AXDND1: variants seen among roughly 807,000 people sequenced by gnomAD.
The protein encoded by AXDND1 is axonemal dynein light chain domain-containing protein 1.
Under a neutral mutation model 137.5 loss-of-function variants are expected in AXDND1, and 110 were observed. That is an observed-to-expected ratio of 0.80 (90% CI 0.69 to 0.94). AXDND1 has a LOEUF of 0.94. Among genes scored for constraint, AXDND1 ranks in the 40% least tolerant of loss-of-function variants. AXDND1 has a pLI of 0.00. For missense variants in AXDND1, 1,191 were observed against 1,169.8 expected, an observed-to-expected ratio of 1.02 and a Z score of -0.26; for synonymous variants, 414 against 399.7, an observed-to-expected ratio of 1.04 and a Z score of -0.43.
chr1:179,461,262 T>G (rs555238251), intron 16 of AXDND1, among the ~76,000 whole-genome samples: 1 of 152,220 alleles, frequency 6.6e-6, no homozygotes. Flanking sequence ...TTCAGGTTTC[T>G]ACATATGGCT....
At chr1:179,395,940 A>G (rs1650978726) in intron 11 of AXDND1, among the ~76,000 whole-genome samples, 1 of 151,834 alleles carries the variant, frequency 6.6e-6, no homozygotes, top group East Asian at 2.0e-4. Flanking sequence ...AGGCTGAGGC[A>G]GGTGGATCAC....
At chr1:179,472,566 G>T (rs1238750270) in intron 17 of AXDND1, among the ~76,000 whole-genome samples, 1 of 152,064 alleles carries the variant, frequency 6.6e-6, no homozygotes, top group African/African-American at 2.4e-5. Context: ...CTGTGTAGTG[G>T]TTCTAACCAT....
intron 16 of AXDND1, chr1:179,456,908 C>G: frequency 9.0e-7 from 1 of 1,113,654 alleles, no homozygotes; most frequent in Non-Finnish European, 1.4e-6. Flanking sequence ...AGCCTCTTTT[C>G]TTGCCACTGC....
At chr1:179,457,196 C>T (rs1040394793) in intron 16 of AXDND1, 3 of 757,168 alleles carry the variant, frequency 4.0e-6, no homozygotes, top group African/African-American at 3.4e-5. Flanking sequence ...ATTTGGATCT[C>T]ATTACCACAC....
chr1:179,366,668 A>T (rs1667444218), intron 2 of AXDND1, 62 bp downstream of exon 2: 2 of 1,401,650 alleles, frequency 1.4e-6, no homozygotes, highest in Admixed American at 3.5e-5. Flanking sequence ...ATCACCTTCC[A>T]TTCACCGGTT....
chr1:179,450,461 G>A (rs1287659217), intron 16 of AXDND1: 1 of 152,176 alleles, frequency 6.6e-6, no homozygotes, highest in Non-Finnish European at 1.5e-5. Context: ...GATGTTAGCT[G>A]TGGGTTTTTC....
At chr1:179,471,598 C>A (rs1663942965) in intron 17 of AXDND1, among the ~76,000 whole-genome samples, 1 of 152,272 alleles carries the variant, frequency 6.6e-6, no homozygotes, top group South Asian at 2.1e-4. Context: ...TTCTCTATTT[C>A]TCCTGGTCAA....
At chr1:179,490,458 G>T (rs888617780) in intron 18 of AXDND1, among the ~76,000 whole-genome samples, 1 of 152,118 alleles carries the variant, frequency 6.6e-6, no homozygotes, top group African/African-American at 2.4e-5. Flanking sequence ...TATTCACAGT[G>T]CCCTTTGGGT....
chr1:179,549,438 G>C (rs1011839014), intron 25 of AXDND1, among the ~76,000 whole-genome samples: 1 of 150,530 alleles, frequency 6.6e-6, no homozygotes, highest in African/African-American at 2.5e-5. Context: ...TTTAAATATT[G>C]ACCTGTGCCA....
At position 179,554,574 on chromosome 1, in the gene AXDND1, G is replaced by A. The variant is rs1288245577; in HGVS notation, c.*55G>A. 6.2e-7 allele frequency: 1 copy of A among 1,613,854 alleles called. No individual in the cohort carries two copies. Among genetic ancestry groups the A allele is most frequent in the South Asian group, 1.1e-5 (1 of 91,076 alleles). On this transcript the variant is annotated 3_prime_UTR_variant, in exon 26 of 26. Coordinates refer to ENST00000367618, the MANE Select transcript of AXDND1 (RefSeq NM_144696.6). ...CAGATGTCAGTGGGAGCCTCCAGGTGGGAGGAGAGCATGCCTAAACCCTGG... is the reference window on the plus strand; with the variant it reads ...CAGATGTCAGTGGGAGCCTCCAGGTAGGAGGAGAGCATGCCTAAACCCTGG...
intron 21 of AXDND1, among the ~76,000 whole-genome samples, chr1:179,523,462 A>G (rs1670258651): frequency 6.6e-6 from 1 of 152,152 alleles, no homozygotes; most frequent in South Asian, 2.1e-4. Context: ...TTGTACAGTG[A>G]TAATCACTAT....
chr1:179,404,500 G>T (rs1329774684), intron 11 of AXDND1, among the ~76,000 whole-genome samples: 2 of 152,058 alleles, frequency 1.3e-5, no homozygotes, highest in Admixed American at 6.5e-5. Flanking sequence ...GGAATTACAG[G>T]TGTGAGCCAC....
chr1:179,387,042 C>G (rs1649333267), intron 9 of AXDND1, among the ~76,000 whole-genome samples: 1 of 152,118 alleles, frequency 6.6e-6, no homozygotes, highest in Non-Finnish European at 1.5e-5. Flanking sequence ...TTTGAACATA[C>G]AGAATGTAGT....
intron 21 of AXDND1, among the ~76,000 whole-genome samples, chr1:179,517,110 G>A (rs1052277511): frequency 3.9e-5 from 6 of 152,158 alleles, no homozygotes; most frequent in Non-Finnish European, 8.8e-5. Context: ...GATTCTTCTT[G>A]GGCAGGTCTT....
At chr1:179,544,789 A>G (rs1239175126) in intron 25 of AXDND1, 2 of 152,124 alleles carry the variant, frequency 1.3e-5, no homozygotes, top group Non-Finnish European at 2.9e-5. Flanking sequence ...TTTATAATTT[A>G]TCTGATCTTT....
At chr1:179,414,499 A>G (rs766364081) in intron 12 of AXDND1, among the ~76,000 whole-genome samples, 32 of 151,962 alleles carry the variant, frequency 2.1e-4, no homozygotes, top group Non-Finnish European at 4.0e-4. Flanking sequence ...ATCTCGGCTC[A>G]CTGCAGGCTC....
chr1:179,538,734 T>C (rs960324379), intron 25 of AXDND1, among the ~76,000 whole-genome samples: 3 of 152,202 alleles, frequency 2.0e-5, no homozygotes, highest in Non-Finnish European at 4.4e-5. Context: ...TGAGTTCAAG[T>C]CCTGGATATC....
intron 15 of AXDND1, among the ~76,000 whole-genome samples, chr1:179,444,700 CT>C (rs57923612): frequency 0.76 from 111,889 of 146,272 alleles, 43,258 homozygotes; most frequent in East Asian, 0.89. Flanking sequence ...CTTATCACTA[CT>C]TTTTTTTTTT....
intron 17 of AXDND1, among the ~76,000 whole-genome samples, chr1:179,470,986 T>G (rs1663854673): frequency 6.6e-6 from 1 of 152,204 alleles, no homozygotes; most frequent in South Asian, 2.1e-4. Context: ...AAATGCTTTT[T>G]CTGTATCTAG....
Sources: gnomAD v4.1 joint callset for allele counts (sites outside exome capture counted in the v4.1 genomes callset) on GRCh38, gnomAD v4.1.1 for gene constraint, MANE v1.5 for transcripts, NCBI Gene and HGNC (gene_info 2026-07-23, HGNC 2026-07-21) for gene names.